GRM7: variants seen among roughly 807,000 people sequenced by gnomAD.
The protein encoded by GRM7 is glutamate metabotropic receptor 7, also known as metabotropic glutamate receptor 7.
GRM7 carries 35 observed loss-of-function variants against 84.5 expected under a neutral mutation model. The ratio of observed to expected loss-of-function variants is 0.41; its 90% CI spans 0.32 to 0.55. The LOEUF (loss-of-function observed/expected upper bound fraction) is 0.55. Ranked by LOEUF, GRM7 falls within the 20% of genes least tolerant of loss-of-function variation. GRM7 has a pLI of 0.19. For synonymous variants in GRM7, 487 were observed against 455.1 expected (o/e 1.07, Z -0.89); for missense variants, 1,003 against 1,194.6 (o/e 0.84, Z 2.36).
chr3:6,965,048 G>C (rs542833554), intron 1 of GRM7, among the ~76,000 whole-genome samples: 1 of 152,250 alleles, frequency 6.6e-6, no homozygotes, highest in East Asian at 1.9e-4. Flanking sequence ...GGGAAATGTG[G>C]GTACCAGGGA....
chr3:7,428,071 G>A (rs1222080947), intron 5 of GRM7, among the ~76,000 whole-genome samples: 1 of 152,166 alleles, frequency 6.6e-6, no homozygotes. Flanking sequence ...GATACGGAGT[G>A]ACCTATATGT....
intron 1 of GRM7, among the ~76,000 whole-genome samples, chr3:6,969,396 C>G (rs1005058598): frequency 6.6e-6 from 1 of 152,154 alleles, no homozygotes; most frequent in Non-Finnish European, 1.5e-5. Flanking sequence ...AAGACACTAA[C>G]TACTCAGAGA....
intron 2 of GRM7, among the ~76,000 whole-genome samples, chr3:7,264,934 C>T (rs1698583306): frequency 6.6e-6 from 1 of 152,188 alleles, no homozygotes; most frequent in Non-Finnish European, 1.5e-5. Flanking sequence ...TACTAGTTTG[C>T]TTTGAATAAT....
intron 9 of GRM7, among the ~76,000 whole-genome samples, chr3:7,689,571 A>T (rs933010752): frequency 1.3e-5 from 2 of 152,194 alleles, no homozygotes; most frequent in Non-Finnish European, 2.9e-5. Flanking sequence ...ATATCTCAGC[A>T]TATCTTCAAA....
intron 7 of GRM7, among the ~76,000 whole-genome samples, chr3:7,464,563 G>T (rs181452763): frequency 5.9e-5 from 9 of 152,124 alleles, no homozygotes; most frequent in African/African-American, 1.9e-4. Flanking sequence ...AGGTGCAGTG[G>T]CTCATGCCTG....
intron 1 of GRM7, among the ~76,000 whole-genome samples, chr3:6,889,152 A>C (rs1695828200): frequency 6.6e-6 from 1 of 152,178 alleles, no homozygotes; most frequent in Non-Finnish European, 1.5e-5. Context: ...GGGGTTTTCT[A>C]GATATACAAT....
At chr3:6,873,357 G>A (rs115518144) in intron 1 of GRM7, among the ~76,000 whole-genome samples, 6,045 of 152,214 alleles carry the variant, frequency 0.04, 169 homozygotes, top group Non-Finnish European at 0.057. Flanking sequence ...ACGGGCGTGA[G>A]CCACCTTGGC....
At chr3:7,488,416 G>A (rs142560726) in intron 7 of GRM7, among the ~76,000 whole-genome samples, 7 of 152,252 alleles carry the variant, frequency 4.6e-5, no homozygotes, top group African/African-American at 1.7e-4. Context: ...GTGTTGGGAG[G>A]TGGTGCTTTA....
At chr3:6,929,251 A>G (rs1697413697) in intron 1 of GRM7, among the ~76,000 whole-genome samples, 1 of 152,150 alleles carries the variant, frequency 6.6e-6, no homozygotes. Flanking sequence ...TAACACACAG[A>G]GCATCCACCC....
chr3:7,114,645 G>C (rs936075158), intron 1 of GRM7, among the ~76,000 whole-genome samples: 2 of 152,190 alleles, frequency 1.3e-5, no homozygotes, highest in South Asian at 4.1e-4. Context: ...TTTCCTCTGC[G>C]TACCTGGTTC....
At chr3:7,416,343 T>G (rs1696158200) in intron 5 of GRM7, among the ~76,000 whole-genome samples, 1 of 152,180 alleles carries the variant, frequency 6.6e-6, no homozygotes, top group African/African-American at 2.4e-5. Flanking sequence ...TTTGTAGTGA[T>G]GACCTTCAGG....
chr3:7,174,198 A>C (rs1162423393), intron 2 of GRM7, among the ~76,000 whole-genome samples: 2 of 152,220 alleles, frequency 1.3e-5, no homozygotes, highest in Non-Finnish European at 2.9e-5. Context: ...CAATGTTTGT[A>C]GCTGGTGAAG....
chr3:7,112,597 GATCAGCCTGGTGTGCC>G (rs1692897240), intron 1 of GRM7, among the ~76,000 whole-genome samples: 1 of 152,072 alleles, frequency 6.6e-6, no homozygotes, highest in South Asian at 2.1e-4. Context: ...AATGGATGCT[GATCAGCCTGGTGTGCC>G]ATCAGCCTGG....
At chr3:6,917,000 T>C (rs1424895847) in intron 1 of GRM7, among the ~76,000 whole-genome samples, 4 of 152,102 alleles carry the variant, frequency 2.6e-5, no homozygotes, top group African/African-American at 9.7e-5. Context: ...TTCCTTTTTA[T>C]TGGGAGGAGG....
chr3:7,066,365 A>G (rs1697662495), intron 1 of GRM7, among the ~76,000 whole-genome samples: 2 of 151,964 alleles, frequency 1.3e-5, no homozygotes, highest in Admixed American at 6.6e-5. Context: ...CCACTGAAAT[A>G]CAAAAGCTCA....
chr3:7,221,585 G>A (rs895536778), intron 2 of GRM7, among the ~76,000 whole-genome samples: 1 of 151,746 alleles, frequency 6.6e-6, no homozygotes, highest in African/African-American at 2.4e-5. Context: ...GTTCCACCAT[G>A]ATTTTATTTT....
At chr3:7,642,196 C>G (rs2125105525) in intron 8 of GRM7, among the ~76,000 whole-genome samples, 1 of 152,178 alleles carries the variant, frequency 6.6e-6, no homozygotes, top group South Asian at 2.1e-4. Context: ...AATATACATT[C>G]CTAGCAAACT....
intron 1 of GRM7, among the ~76,000 whole-genome samples, chr3:6,993,392 C>G (rs1559372359): frequency 6.6e-6 from 1 of 152,056 alleles, no homozygotes; most frequent in Non-Finnish European, 1.5e-5. Flanking sequence ...TATAACATAC[C>G]ATGTTATGGC....
chr3:7,390,551 T>A (rs894274197), intron 4 of GRM7, among the ~76,000 whole-genome samples: 8 of 152,114 alleles, frequency 5.3e-5, no homozygotes, highest in African/African-American at 1.9e-4. Flanking sequence ...AATTCTTTTT[T>A]ATTTTTCTTT....
Sources: gnomAD v4.1 joint callset for allele counts (sites outside exome capture counted in the v4.1 genomes callset) on GRCh38, gnomAD v4.1.1 for gene constraint, MANE v1.5 for transcripts, NCBI Gene and HGNC (gene_info 2026-07-23, HGNC 2026-07-21) for gene names.